SOCS7: variants seen among roughly 807,000 people sequenced by gnomAD.
SOCS7 encodes suppressor of cytokine signaling 7, also known as NAP-4.
In SOCS7, 18 loss-of-function variants were observed where a neutral mutation model predicts 58.9. The observed-to-expected ratio is 0.31, with a 90% CI of 0.21 to 0.45. The LOEUF is 0.45. Among genes scored for constraint, SOCS7 ranks in the 20% least tolerant of loss-of-function variants. The pLI, the probability that SOCS7 is intolerant of heterozygous loss-of-function variation, is 1.00. For synonymous variants in SOCS7, 388 were observed against 364.3 expected, an observed-to-expected ratio of 1.06 and a Z score of -0.74; for missense variants, 667 against 837.3, an observed-to-expected ratio of 0.80 and a Z score of 2.51.
chr17:38,374,390 T>A (rs1315982711), intron 6 of SOCS7, among the ~76,000 whole-genome samples: 1 of 151,782 alleles, frequency 6.6e-6, no homozygotes, highest in Non-Finnish European at 1.5e-5. Flanking sequence ...ATACAAAAAT[T>A]AGCTGGGCAC....
chr17:38,391,173 A>G (rs1448809383), intron 7 of SOCS7, among the ~76,000 whole-genome samples: 1 of 152,202 alleles, frequency 6.6e-6, no homozygotes, highest in Non-Finnish European at 1.5e-5. Flanking sequence ...GTAAACTTGC[A>G]TAACTCATTT....
intron 7 of SOCS7, among the ~76,000 whole-genome samples, chr17:38,387,104 T>A (rs1440132263): frequency 0.066 from 3,539 of 53,518 alleles, 107 homozygotes; most frequent in Non-Finnish European, 0.085. Flanking sequence ...AAAAAAAAAA[T>A]ATATATATAT....
intron 7 of SOCS7, among the ~76,000 whole-genome samples, chr17:38,382,355 T>C (rs1056095262): frequency 6.7e-6 from 1 of 150,362 alleles, no homozygotes; most frequent in African/African-American, 2.5e-5. Flanking sequence ...GGAGGATCTC[T>C]TAGGCCGGGT....
intron 7 of SOCS7, 88 bp downstream of exon 7, chr17:38,377,930 G>C: frequency 7.4e-7 from 1 of 1,343,316 alleles, no homozygotes; most frequent in East Asian, 2.3e-5. Flanking sequence ...AAAAGGCCAT[G>C]GTTAAGCTTT....
chr17:38,388,833 T>C (rs941058060), intron 7 of SOCS7, among the ~76,000 whole-genome samples: 9 of 152,342 alleles, frequency 5.9e-5, no homozygotes, highest in Middle Eastern at 6.8e-3. Context: ...CACAGCATTC[T>C]TTTTTATGAC....
chr17:38,366,075 C>A, intron 4 of SOCS7: 2 of 1,236,010 alleles, frequency 1.6e-6, no homozygotes, highest in Non-Finnish European at 2.1e-6. Flanking sequence ...GGGTCAAGTG[C>A]CCCCACCCAT....
intron 1 of SOCS7, among the ~76,000 whole-genome samples, chr17:38,358,231 C>T (rs760371016): frequency 4.6e-5 from 7 of 152,012 alleles, no homozygotes; most frequent in Non-Finnish European, 8.8e-5. Flanking sequence ...AACTTTGCAC[C>T]CTAATGCTTT....
At chr17:38,366,135 G>A (rs1023689250) in intron 4 of SOCS7, 152 bp from the exon 5 acceptor site, 39 of 1,284,798 alleles carry the variant, frequency 3.0e-5, no homozygotes, top group Non-Finnish European at 3.5e-5. Flanking sequence ...AGCCCATCCA[G>A]CTCTTTGCCA....
intron 9 of SOCS7, among the ~76,000 whole-genome samples, chr17:38,397,225 T>G (rs1046301357): frequency 6.6e-6 from 1 of 152,184 alleles, no homozygotes. Flanking sequence ...TTTGATGGGT[T>G]TTCCTAAGGA....
At chr17:38,396,914 C>G (rs1453762479) in intron 9 of SOCS7, among the ~76,000 whole-genome samples, 1 of 152,088 alleles carries the variant, frequency 6.6e-6, no homozygotes, top group East Asian at 1.9e-4. Context: ...TATCTAATGT[C>G]TTGTGTCTAG....
At chr17:38,370,522 G>C (rs778413163) in intron 6 of SOCS7, among the ~76,000 whole-genome samples, 2 of 151,526 alleles carry the variant, frequency 1.3e-5, no homozygotes, top group Non-Finnish European at 2.9e-5. Flanking sequence ...AATTTTTTTA[G>C]TAGAGACAGG....
intron 6 of SOCS7, among the ~76,000 whole-genome samples, chr17:38,370,314 TA>T (rs2037846136): frequency 1.3e-5 from 2 of 152,150 alleles, no homozygotes; most frequent in Non-Finnish European, 2.9e-5. Flanking sequence ...TACTTTTTGT[TA>T]AAGGGACTTT....
intron 1 of SOCS7, 56 bp downstream of exon 1, chr17:38,353,088 T>A (rs1426240094): frequency 6.9e-6 from 10 of 1,440,148 alleles, no homozygotes; most frequent in Non-Finnish European, 6.4e-6. Flanking sequence ...GGTTTCCCTT[T>A]TTATCTATTG....
Position 38,395,443 on chromosome 17 carries a change from A to G in SOCS7, c.1816A>G (p.Lys606Glu), listed in dbSNP as rs757111366. The G allele has an allele frequency of 1.2e-6, 2 of 1,613,670 alleles. No individual in the cohort carries two copies. The highest frequency in any genetic ancestry group is 1.1e-5 in the South Asian group (1 of 91,056). The change falls in exon 8 of 10, where the codon AAA becomes GAA. Residue 606 changes from lysine (K) to glutamate (E), a missense_variant and splice_region_variant. Physicochemically the swap from Lys to Glu is moderately conservative, Grantham distance 56. Coordinates refer to ENST00000612932, the MANE Select transcript of SOCS7 (RefSeq NM_014598.4). ...IDHIPDLPLPKPLISYIRKFY... is the reference protein window; with the variant it reads ...IDHIPDLPLPEPLISYIRKFY... ...TCACATCCCAGATCTCCCACTGCCTAAGTACAATGGGGTTGTCAGGTTTGG... is the reference window on the plus strand; with the variant it reads ...TCACATCCCAGATCTCCCACTGCCTGAGTACAATGGGGTTGTCAGGTTTGG...
At chr17:38,398,599 G>C (rs2038275361) in intron 9 of SOCS7, among the ~76,000 whole-genome samples, 1 of 152,102 alleles carries the variant, frequency 6.6e-6, no homozygotes, top group African/African-American at 2.4e-5. Context: ...TTGTTGTTCA[G>C]GCTGATTTTA....
At chr17:38,381,962 AAAAAAAAAAAAAC>A (rs1484551600) in intron 7 of SOCS7, among the ~76,000 whole-genome samples, 12 of 149,646 alleles carry the variant, frequency 8.0e-5, no homozygotes, top group African/African-American at 2.7e-4. Flanking sequence ...AAAAAAAAAA[AAAAAAAAAAAAAC>A]CTAAAAAAAC....
chr17:38,356,104 T>C (rs1555566772), intron 1 of SOCS7, among the ~76,000 whole-genome samples: 1 of 152,062 alleles, frequency 6.6e-6, no homozygotes, highest in Non-Finnish European at 1.5e-5. Flanking sequence ...TTTGCCAGGT[T>C]GGTCCCGAAC....
Position 38,352,985 on chromosome 17 carries a change from C to T in SOCS7, c.933C>T (p.Ser311=). 1.2e-6 allele frequency: 2 copies of T among 1,605,986 alleles called. No individual in the cohort carries two copies. Among genetic ancestry groups the T allele is most frequent in the Non-Finnish European group, 1.7e-6 (2 of 1,177,966 alleles). ...PSGELAASAA[S]LTDMGGSAGR... is the part of the protein sequence containing the mutation. ...GAGAGCTGGCTGCTTCAGCTGCGAG[C>T]CTGACAGACATGGGAGGCTCTGCGG... The change falls in exon 1 of 10, where the codon AGC becomes AGT. Residue 311 remains serine, a synonymous_variant. Coordinates refer to ENST00000612932, the MANE Select transcript of SOCS7 (RefSeq NM_014598.4). This position sits in a 1 kb window ranked among gnomAD's most constrained non-coding sequence, Gnocchi z 5.5.
intron 1 of SOCS7, among the ~76,000 whole-genome samples, chr17:38,354,662 C>T (rs1302032949): frequency 6.6e-6 from 1 of 152,132 alleles, no homozygotes; most frequent in Non-Finnish European, 1.5e-5. Context: ...GTGGTAGGCT[C>T]TGTATTCGAT....
Sources: gnomAD v4.1 joint callset for allele counts (sites outside exome capture counted in the v4.1 genomes callset) on GRCh38, gnomAD v4.1.1 for gene constraint, Gnocchi (gnomAD v3.1) non-coding constraint, MANE v1.5 for transcripts, NCBI Gene and HGNC (gene_info 2026-07-23, HGNC 2026-07-21) for gene names.